ST7L: variants seen among roughly 807,000 people sequenced by gnomAD.
The protein encoded by ST7L is suppression of tumorigenicity 7 like, also known as suppressor of tumorigenicity 7 protein-like.
Under a neutral mutation model 72.5 loss-of-function variants are expected in ST7L, and 57 were observed. The ratio of observed to expected loss-of-function variants is 0.79; its 90% CI spans 0.64 to 0.98. ST7L has a LOEUF of 0.98. Among genes scored for constraint, ST7L ranks in the 50% least tolerant of loss-of-function variants. The pLI, the probability that ST7L is intolerant of heterozygous loss-of-function variation, is 0.00. For missense variants in ST7L, 576 were observed against 672.2 expected (o/e 0.86, Z 1.58); for synonymous variants, 221 against 240.9 (o/e 0.92, Z 0.77).
At chr1:112,618,648 T>C in intron 1 of ST7L, 1 of 625,448 alleles carries the variant, frequency 1.6e-6, no homozygotes, top group South Asian at 2.5e-5. Context: ...GCTTATAGCT[T>C]GTCAGGTGGC....
chr1:112,559,833 G>C (rs928026479), intron 11 of ST7L, among the ~76,000 whole-genome samples: 5 of 151,198 alleles, frequency 3.3e-5, no homozygotes, highest in Non-Finnish European at 5.9e-5. Context: ...ACAAAAATTA[G>C]CCAGGCGTGG....
chr1:112,528,240 TG>T (rs1653782920), intron 14 of ST7L: 1 of 152,154 alleles, frequency 6.6e-6, no homozygotes, highest in South Asian at 2.1e-4. Flanking sequence ...TGGTATGTGC[TG>T]AAACTTAGAA....
intron 2 of ST7L, among the ~76,000 whole-genome samples, chr1:112,615,779 G>A (rs1325152671): frequency 5.9e-5 from 9 of 151,702 alleles, no homozygotes; most frequent in Admixed American, 4.6e-4. Flanking sequence ...TCTCTCTGTC[G>A]CCCAGGCTGG....
upstream of ST7L, chr1:112,619,176 A>T (rs1670453745): frequency 6.6e-7 from 1 of 1,520,238 alleles, no homozygotes; most frequent in Non-Finnish European, 9.0e-7. Flanking sequence ...GGGAGTCGGG[A>T]ATCCTGGGAT....
rs776584692 is a variant in ST7L at position 112,616,783 on chromosome 1, A to G, written c.288+30T>C. 5 of 1,495,988 alleles carry G rather than the reference A, an allele frequency of 3.3e-6. No individual in the cohort carries two copies. The East Asian group carries it at 9.1e-5, about 27-fold the overall frequency. The allele number at this position is 1,495,988 out of a possible 1,614,324, so 92.7% of individuals were successfully genotyped here. ...AAAATATCTTTAGATAAACACCAAA[A>G]CATGAAGGAAGGAAATGGAAACTAC... On this transcript the variant is annotated intron_variant, in intron 2 of 14. Transcript: ENST00000358039.
intron 11 of ST7L, among the ~76,000 whole-genome samples, chr1:112,566,551 C>T (rs1285698426): frequency 6.6e-6 from 1 of 152,104 alleles, no homozygotes; most frequent in Non-Finnish European, 1.5e-5. Context: ...CCCTCCTCAG[C>T]CTCCCAAAGT....
At chr1:112,555,663 C>G (rs549944412) in intron 12 of ST7L, among the ~76,000 whole-genome samples, 5 of 152,286 alleles carry the variant, frequency 3.3e-5, no homozygotes, top group Admixed American at 2.6e-4. Context: ...AATACCATAA[C>G]AATTTCTCAT....
chr1:112,619,504 A>T (rs1262756166), upstream of ST7L: 1 of 521,110 alleles, frequency 1.9e-6, no homozygotes, highest in Non-Finnish European at 3.4e-6. Flanking sequence ...CGGGCACCAG[A>T]AAAACTTGTA....
chr1:112,568,373 G>C (rs1453630587), intron 11 of ST7L, among the ~76,000 whole-genome samples: 2 of 78,932 alleles, frequency 2.5e-5, no homozygotes, highest in African/African-American at 1.1e-4. Context: ...GTCTTGCTTT[G>C]TCGCCCAGGC....
intron 11 of ST7L, among the ~76,000 whole-genome samples, chr1:112,561,165 A>AT (rs1014021790): frequency 6.6e-6 from 1 of 151,866 alleles, no homozygotes; most frequent in African/African-American, 2.4e-5. Context: ...CTGACCGATG[A>AT]TTTTTTTCAG....
rs116603581 is a variant in ST7L at position 112,550,739 on chromosome 1, A to G, written c.1397-46T>C. ...GTTGATACTCAATTCTGTCTCATTT[A>G]CCATCCTATATTTGGAGACAAATTT... On this transcript the variant is annotated intron_variant, in intron 12 of 14. Coordinates refer to ENST00000358039, the MANE Select transcript of ST7L (RefSeq NM_017744.5). 5.2e-4 allele frequency: 760 copies of G among 1,475,468 alleles called. 4 individuals are homozygous for G. The African/African-American group carries it at 9.5e-3, about 18-fold the overall frequency. The allele number at this position is 1,475,468 out of a possible 1,614,324, so 91.4% of individuals were successfully genotyped here.
chr1:112,535,592 C>T (rs1025437954), intron 14 of ST7L, among the ~76,000 whole-genome samples: 5 of 150,956 alleles, frequency 3.3e-5, no homozygotes, highest in Non-Finnish European at 2.9e-5. Flanking sequence ...ATTAGCCTAG[C>T]ATGGAGGCAC....
At chr1:112,602,676 C>T (rs1314208537) in intron 3 of ST7L, among the ~76,000 whole-genome samples, 1 of 150,430 alleles carries the variant, frequency 6.6e-6, no homozygotes, top group Admixed American at 6.6e-5. Flanking sequence ...ACAAATTTAA[C>T]GGTTATTTAG....
chr1:112,566,261 A>G (rs1224826352), intron 11 of ST7L, among the ~76,000 whole-genome samples: 1 of 151,470 alleles, frequency 6.6e-6, no homozygotes, highest in Non-Finnish European at 1.5e-5. Flanking sequence ...TGCCCAAATC[A>G]AGACATATTT....
intron 11 of ST7L, among the ~76,000 whole-genome samples, chr1:112,570,570 T>TATACACACACACACAC (rs1183877129): frequency 3.5e-5 from 5 of 143,418 alleles, no homozygotes; most frequent in African/African-American, 1.3e-4. Context: ...TATATATATA[T>TATACACACACACACAC]ACACACACAC....
intron 11 of ST7L, among the ~76,000 whole-genome samples, chr1:112,557,541 T>G (rs1406098854): frequency 6.6e-6 from 1 of 152,240 alleles, no homozygotes; most frequent in Admixed American, 6.5e-5. Context: ...TGAATAATGT[T>G]GTTATAAACA....
intron 11 of ST7L, among the ~76,000 whole-genome samples, chr1:112,557,010 G>GA (rs1221043511): frequency 1.7e-4 from 15 of 90,126 alleles, no homozygotes; most frequent in East Asian, 8.8e-4. Flanking sequence ...ACAAAGAAAA[G>GA]AAAAAAAAAG....
chr1:112,570,570 T>TATATACAC (rs1183877129), intron 11 of ST7L, among the ~76,000 whole-genome samples: 1 of 143,372 alleles, frequency 7.0e-6, no homozygotes, highest in African/African-American at 2.6e-5. Context: ...TATATATATA[T>TATATACAC]ACACACACAC....
chr1:112,556,082 A>C, intron 11 of ST7L, 64 bp from the exon 12 acceptor site: 1 of 1,222,836 alleles, frequency 8.2e-7, no homozygotes, highest in Non-Finnish European at 1.1e-6. Flanking sequence ...AATTGTGTTA[A>C]ATTCAAACAC....
Sources: gnomAD v4.1 joint callset for allele counts (sites outside exome capture counted in the v4.1 genomes callset) on GRCh38, gnomAD v4.1.1 for gene constraint, MANE v1.5 for transcripts, NCBI Gene and HGNC (gene_info 2026-07-23, HGNC 2026-07-21) for gene names.